CFAP52: variants seen among roughly 807,000 people sequenced by gnomAD.
The protein encoded by CFAP52 is cilia and flagella associated protein 52.
CFAP52 carries 57 observed loss-of-function variants against 70.5 expected under a neutral mutation model. That is an observed-to-expected ratio of 0.81 (90% CI 0.65 to 1.01). CFAP52 has a LOEUF of 1.01. Among genes scored for constraint, CFAP52 ranks in the 50% least tolerant of loss-of-function variants. The pLI is 0.00. For synonymous variants in CFAP52, 267 were observed against 292.5 expected, an observed-to-expected ratio of 0.91 and a Z score of 0.89; for missense variants, 785 against 788.5, an observed-to-expected ratio of 1.00 and a Z score of 0.05.
chr17:9,578,210 A>C (rs115543110), intron 1 of CFAP52, among the ~76,000 whole-genome samples: 2,020 of 152,364 alleles, frequency 0.013, 49 homozygotes, highest in African/African-American at 0.046. Context: ...TTGATGTAAT[A>C]TATCACTCAT....
At chr17:9,638,786 G>C in intron 12 of CFAP52, 75 bp downstream of exon 12, 1 of 1,441,942 alleles carries the variant, frequency 6.9e-7, no homozygotes, top group South Asian at 1.2e-5. Context: ...TGGAGGGTGC[G>C]GGCTCTGGAG....
intron 8 of CFAP52, among the ~76,000 whole-genome samples, chr17:9,625,213 A>C (rs1008269191): frequency 6.6e-6 from 1 of 151,814 alleles, no homozygotes; most frequent in African/African-American, 2.4e-5. Context: ...TAAAAAAAAA[A>C]CACAGTAGAA....
rs976759792 is a variant in CFAP52, at chr17:9,609,078, T to C, written c.854+859T>C. ...AACCAGATACCCCACACATGTGCTTTATGGCCTCTGCTACCCCCAGGAAGC... is the reference window on the plus strand; with the variant it reads ...AACCAGATACCCCACACATGTGCTTCATGGCCTCTGCTACCCCCAGGAAGC... On this transcript the variant is annotated intron_variant, in intron 7 of 13. Coordinates refer to ENST00000352665, the MANE Select transcript of CFAP52 (RefSeq NM_145054.5). Among the ~76,000 whole-genome samples, 7 of 152,176 alleles carry C rather than the reference T, an allele frequency of 4.6e-5. No individual in the cohort carries two copies. The South Asian group carries it at 8.3e-4, about 18-fold the overall frequency.
chr17:9,626,246 T>A (rs1281688272), intron 8 of CFAP52, among the ~76,000 whole-genome samples: 1 of 152,192 alleles, frequency 6.6e-6, no homozygotes, highest in Non-Finnish European at 1.5e-5. Context: ...TCTTCTTTTT[T>A]GAGATGGAGT....
At chr17:9,626,973 A>G (rs1370515137) in intron 8 of CFAP52, among the ~76,000 whole-genome samples, 2 of 152,194 alleles carry the variant, frequency 1.3e-5, no homozygotes, top group African/African-American at 4.8e-5. Flanking sequence ...TTTAATCTCC[A>G]CAGAGACAAG....
intron 9 of CFAP52, among the ~76,000 whole-genome samples, chr17:9,629,496 T>TTTC (rs375629381): frequency 0.068 from 9,974 of 146,226 alleles, 684 homozygotes; most frequent in African/African-American, 0.18. Flanking sequence ...TCTTTCTTTC[T>TTTC]TTTCTTTTCT....
intron 1 of CFAP52, among the ~76,000 whole-genome samples, chr17:9,579,493 G>A (rs190864670): frequency 2.0e-5 from 3 of 152,248 alleles, no homozygotes; most frequent in Admixed American, 2.0e-4. Context: ...ATTTCAGATG[G>A]AAACAAATTA....
At position 9,600,085 on chromosome 17, in the gene CFAP52, T is replaced by A. The variant is rs757103807; in HGVS notation, c.655T>A (p.Phe219Ile). 5.0e-6 allele frequency: 8 copies of A among 1,613,434 alleles called. No homozygotes were observed. The highest frequency in any genetic ancestry group is 6.8e-6 in the Non-Finnish European group (8 of 1,179,630). Residue 219 changes from phenylalanine (F) to isoleucine (I), a missense_variant, in exon 6 of 14, where the codon TTT (phenylalanine) becomes ATT (isoleucine). Phe to Ile is a conservative substitution (Grantham distance 21, BLOSUM62 0). Coordinates refer to ENST00000352665, the MANE Select transcript of CFAP52 (RefSeq NM_145054.5). ...TCTTCAGGTGGATGATGATGATAGC[T>A]TTTTCTACCTTGGCACCACGACTGG... ...MSIGVDDDDSFFYLGTTTGDI... is the reference protein window; with the variant it reads ...MSIGVDDDDSIFYLGTTTGDI...
At chr17:9,626,244 T>C (rs775857432) in intron 8 of CFAP52, among the ~76,000 whole-genome samples, 3 of 152,200 alleles carry the variant, frequency 2.0e-5, no homozygotes, top group Non-Finnish European at 4.4e-5. Flanking sequence ...GTTCTTCTTT[T>C]TTGAGATGGA....
chr17:9,614,313 G>A (rs954186520), intron 8 of CFAP52, among the ~76,000 whole-genome samples: 7 of 151,752 alleles, frequency 4.6e-5, no homozygotes, highest in African/African-American at 4.8e-5. Flanking sequence ...GTGCCACCGC[G>A]CCCAGCTAAT....
Position 9,633,006 on chromosome 17 carries a change from G to T in CFAP52, c.1293G>T (p.Arg431Ser), listed in dbSNP as rs771413878. ...TAIATTSDCKRVISGGGEGEV... is the reference protein window; with the variant it reads ...TAIATTSDCKSVISGGGEGEV... ...TCGCCACCACCAGTGACTGTAAAAG[G>T]GTCATCAGTGGCGGTGGGGAAGGGG... Residue 431 changes from arginine (R) to serine (S), a missense_variant, in exon 10 of 14, where the codon AGG becomes AGT. Transcript: ENST00000352665. 29 of 1,613,886 alleles carry T rather than the reference G, an allele frequency of 1.8e-5. No homozygotes were observed. Among genetic ancestry groups the T allele is most frequent in the Admixed American group, 1.3e-4 (8 of 59,998 alleles).
At chr17:9,586,251 C>T (rs1309845274) in intron 2 of CFAP52, among the ~76,000 whole-genome samples, 1 of 152,028 alleles carries the variant, frequency 6.6e-6, no homozygotes, top group Non-Finnish European at 1.5e-5. Flanking sequence ...TTTGTAGAAC[C>T]TGATCCGATT....
chr17:9,588,299 AAGAG>A (rs1367085897), intron 3 of CFAP52, among the ~76,000 whole-genome samples: 1 of 152,104 alleles, frequency 6.6e-6, no homozygotes, highest in Non-Finnish European at 1.5e-5. Context: ...CGCCCAGAGA[AAGAG>A]AGAGAGCCAG....
chr17:9,595,977 G>A (rs1908981539), intron 4 of CFAP52, among the ~76,000 whole-genome samples: 1 of 139,514 alleles, frequency 7.2e-6, no homozygotes, highest in African/African-American at 2.7e-5. Context: ...AAAAACAAAA[G>A]AAAAACTATA....
At chr17:9,612,573 G>A in intron 8 of CFAP52, 94 bp downstream of exon 8, 1 of 1,379,668 alleles carries the variant, frequency 7.2e-7, no homozygotes. Context: ...AATGAACATA[G>A]TTATGATTTT....
Position 9,631,028 on chromosome 17 carries a change from A to AAGAGAGAGAGAGAGAGAGAGAG in CFAP52, c.1175-1854_1175-1833dup, listed in dbSNP as rs761523039. On this transcript the variant is annotated intron_variant, in intron 9 of 13. Coordinates refer to ENST00000352665, the MANE Select transcript of CFAP52 (RefSeq NM_145054.5). ...AAAGAAAGAAAGAAAGAAAGAAAGA[A>AAGAGAGAGAGAGAGAGAGAGAG]AGAGAGAGAGAGAGAGAGAGAGAGA... Among the ~76,000 whole-genome samples the AAGAGAGAGAGAGAGAGAGAGAG allele has an allele frequency of 4.0e-4, 18 of 44,696 alleles. 1 individual carries two copies. Among genetic ancestry groups the AAGAGAGAGAGAGAGAGAGAGAG allele is most frequent in the African/African-American group, 1.6e-3 (13 of 8,236 alleles). The allele number at this position is 44,696 out of a possible 152,430, so 29.3% of individuals were successfully genotyped here. A position where few individuals can be genotyped will look rare whatever the true frequency, so the allele number is the denominator to read the frequency against.
intron 7 of CFAP52, among the ~76,000 whole-genome samples, chr17:9,609,405 A>C (rs577343571): frequency 2.6e-5 from 4 of 152,160 alleles, no homozygotes; most frequent in African/African-American, 9.7e-5. Context: ...TTTGAATAGA[A>C]GCAGGGAGGC....
chr17:9,589,546 A>G (rs1431731190), intron 3 of CFAP52, among the ~76,000 whole-genome samples: 1 of 152,136 alleles, frequency 6.6e-6, no homozygotes, highest in Admixed American at 6.5e-5. Flanking sequence ...CAGCCTAGCC[A>G]ACATGGCGAG....
chr17:9,625,656 A>T (rs183346358), intron 8 of CFAP52, among the ~76,000 whole-genome samples: 206 of 152,326 alleles, frequency 1.4e-3, no homozygotes, highest in African/African-American at 4.8e-3. Flanking sequence ...AGGCTCCCAC[A>T]TGTGAGAAAG....
Sources: allele counts gnomAD v4.1 joint callset (sites outside exome capture counted in the v4.1 genomes callset), GRCh38; gene constraint gnomAD v4.1.1; transcripts MANE v1.5; gene names NCBI Gene and HGNC (gene_info 2026-07-23, HGNC 2026-07-21).